Variants in PALB2 observed in about 807,000 individuals in gnomAD.
PALB2 encodes the protein partner and localizer of BRCA2, also known as mutant partner and localizer of BRCA2.
In PALB2, 82 loss-of-function variants were observed where a neutral mutation model predicts 107.4. That is an observed-to-expected ratio of 0.76 (90% CI 0.64 to 0.92). PALB2 has a LOEUF of 0.92. PALB2 is among the 40% of genes least tolerant of loss of function. The pLI is 0.00. For missense variants in PALB2, 1,374 were observed against 1,379.9 expected, an observed-to-expected ratio of 1.00 and a Z score of 0.07; for synonymous variants, 489 against 496.8, an observed-to-expected ratio of 0.98 and a Z score of 0.21.
rs1057521010 is a variant in PALB2 at position 23,629,622 on chromosome 16, A to C, written c.2514+18T>G. 6.2e-7 allele frequency: 1 copy of C among 1,610,770 alleles called. No individual in the cohort carries two copies. The highest frequency in any genetic ancestry group is 8.5e-7 in the Non-Finnish European group (1 of 1,177,440). Reference sequence around the variant, plus strand: ...TTCATTCCTTCAGAGAAAATTTCACAGAGGAAATGGATTGTACCTGTTCGA... The same window carrying C: ...TTCATTCCTTCAGAGAAAATTTCACCGAGGAAATGGATTGTACCTGTTCGA... On this transcript the variant is annotated intron_variant, in intron 5 of 12. Coordinates refer to ENST00000261584, the MANE Select transcript of PALB2 (RefSeq NM_024675.4).
chr16:23,619,893 C>A (rs895935118), intron 10 of PALB2, among the ~76,000 whole-genome samples: 1 of 152,046 alleles, frequency 6.6e-6, no homozygotes, highest in African/African-American at 2.4e-5. Context: ...GATTCTCCTA[C>A]CTCAGCCTCC....
intron 8 of PALB2, 62 bp from the exon 9 acceptor site, chr16:23,623,192 T>G: frequency 2.4e-6 from 3 of 1,237,260 alleles, no homozygotes; most frequent in South Asian, 1.4e-5. Context: ...ATTAAAGGAC[T>G]AGGTTCACTT....
chr16:23,623,964 G>C lies in PALB2; in HGVS notation c.2834+45C>G, dbSNP rs369619755. On this transcript the variant is annotated intron_variant, in intron 8 of 12. Transcript: ENST00000261584. ...CCTGCACTTAAAACCAGCTGACAGAGACAAAGATGAAGGAAAAACAAATCA... is the reference window on the plus strand; with the variant it reads ...CCTGCACTTAAAACCAGCTGACAGACACAAAGATGAAGGAAAAACAAATCA... 4.4e-6 allele frequency: 6 copies of C among 1,360,568 alleles called. No homozygotes were observed. The African/African-American group carries it at 8.6e-5, about 20-fold the overall frequency. The allele number at this position is 1,360,568 out of a possible 1,614,324, so 84.3% of individuals were successfully genotyped here.
intron 11 of PALB2, among the ~76,000 whole-genome samples, chr16:23,613,094 T>G (rs1966616690): frequency 6.6e-6 from 1 of 152,088 alleles, no homozygotes; most frequent in Non-Finnish European, 1.5e-5. Context: ...ACAAAGTATA[T>G]AATGATCAAG....
chr16:23,636,008 C>T lies in PALB2; in HGVS notation c.538G>A (p.Glu180Lys), dbSNP rs750782778. The change falls in exon 4 of 13, where the codon GAA becomes AAA. Residue 180 changes from glutamate to lysine, a missense_variant. Transcript: ENST00000261584. ...GCAGGATTTTTGCTACTGATTTCTT[C>T]CTGTTCCTTTAGTCTTTTCCCAGAC... ...RLSGKRLKEQ[E>K]EISSKNPARS... The T allele has an allele frequency of 3.1e-6, 5 of 1,614,096 alleles. No homozygotes were observed. The highest frequency in any genetic ancestry group is 1.6e-4 in the Middle Eastern group (1 of 6,062).
Position 23,635,048 on chromosome 16 carries a change from A to G in PALB2, c.1498T>C (p.Ser500Pro), listed in dbSNP as rs869025294. ...PAGPTEDNDL[S>P]RKAVAQAPGR... ...GGTGCTTGGGCAACTGCCTTCCTAG[A>G]CAAGTCATTATCTTCAGTGGGCCCA... Residue 500 changes from serine (S) to proline (P), a missense_variant, in exon 4 of 13, where the codon TCT becomes CCT. Coordinates refer to ENST00000261584, the MANE Select transcript of PALB2 (RefSeq NM_024675.4). The G allele has an allele frequency of 1.2e-6, 2 of 1,614,126 alleles. No individual in the cohort carries two copies. Among genetic ancestry groups the G allele is most frequent in the Non-Finnish European group, 1.7e-6 (2 of 1,180,028 alleles).
At chr16:23,618,302 ACT>A (rs767303962) in intron 10 of PALB2, among the ~76,000 whole-genome samples, 58 of 152,074 alleles carry the variant, frequency 3.8e-4, no homozygotes, top group Middle Eastern at 3.4e-3. Context: ...ACTGAGTGAG[ACT>A]CTGTTTCAGA....
At position 23,635,810 on chromosome 16, in the gene PALB2, T is replaced by TCG. The variant is rs749731838; in HGVS notation, c.734_735dup (p.Thr246ArgfsTer34). The TCG allele has an allele frequency of 6.2e-7, 1 of 1,614,188 alleles. No homozygotes were observed. On this transcript the variant is annotated frameshift_variant, in exon 4 of 13. Coordinates refer to ENST00000261584, the MANE Select transcript of PALB2 (RefSeq NM_024675.4). LOFTEE classifies it high-confidence loss of function. The stretch of plus-strand genomic sequence containing the variant: ...GATAGAGTCTGTAAAGGAACTGTAG[T>TCG]CGCCCTGGTGAAATTAGGTCTTCTT...
chr16:23,613,825 G>C (rs1052033686), intron 11 of PALB2, among the ~76,000 whole-genome samples, 179 bp downstream of exon 11: 1 of 152,048 alleles, frequency 6.6e-6, no homozygotes, highest in African/African-American at 2.4e-5. Flanking sequence ...AATTTACCAA[G>C]CAATCACTGT....
chr16:23,630,569 A>AT, intron 4 of PALB2, 100 bp from the exon 5 acceptor site: 2 of 995,872 alleles, frequency 2.0e-6, no homozygotes, highest in Non-Finnish European at 3.0e-6. Flanking sequence ...TAGATTTAAA[A>AT]GAAACATTTT....
At chr16:23,639,167 G>C (rs1391309579) in intron 1 of PALB2, among the ~76,000 whole-genome samples, 2 of 152,042 alleles carry the variant, frequency 1.3e-5, no homozygotes, top group Non-Finnish European at 2.9e-5. Context: ...CAACTTTTTA[G>C]CTGTACTCAT....
At chr16:23,618,000 A>G (rs1221445962) in intron 10 of PALB2, among the ~76,000 whole-genome samples, 1 of 151,992 alleles carries the variant, frequency 6.6e-6, no homozygotes, top group Non-Finnish European at 1.5e-5. Context: ...CTACAAAGAA[A>G]AAGAAAAAGA....
chr16:23,629,050 G>GA (rs1016225693), intron 6 of PALB2, among the ~76,000 whole-genome samples, 154 bp downstream of exon 6: 9 of 152,082 alleles, frequency 5.9e-5, no homozygotes, highest in African/African-American at 1.9e-4. Flanking sequence ...TAAATATTGG[G>GA]AAAAATAACC....
At position 23,610,320 on chromosome 16, in the gene PALB2, T is replaced by C. The variant is rs139005509; in HGVS notation, c.3202-2308A>G. On this transcript the variant is annotated intron_variant, in intron 11 of 12. Coordinates refer to ENST00000261584, the MANE Select transcript of PALB2 (RefSeq NM_024675.4). ...ATACAATGTTATTTCTTTTTTTTTT[T>C]TTTTTTTGAGACAGAGACTTGCTTT... Among the ~76,000 whole-genome samples, 830 of 151,730 alleles carry C rather than the reference T, an allele frequency of 5.5e-3. 5 individuals are homozygous for C. Among genetic ancestry groups the C allele is most frequent in the African/African-American group, 0.019 (770 of 41,402 alleles).
chr16:23,629,475 A>G (rs960257356), intron 5 of PALB2, among the ~76,000 whole-genome samples, 165 bp downstream of exon 5: 1 of 152,224 alleles, frequency 6.6e-6, no homozygotes, highest in Non-Finnish European at 1.5e-5. Flanking sequence ...ATGAACCTTA[A>G]TTTCCCCAGA....
At chr16:23,636,355 T>C (rs763541893) in intron 3 of PALB2, 21 bp from the exon 4 acceptor site, 2 of 1,466,544 alleles carry the variant, frequency 1.4e-6, no homozygotes, top group South Asian at 2.7e-5. Context: ...AAAAAATGTA[T>C]ATAACTTATA....
chr16:23,606,663 T>A (rs1053542165), intron 12 of PALB2, among the ~76,000 whole-genome samples: 6 of 150,522 alleles, frequency 4.0e-5, no homozygotes, highest in African/African-American at 9.8e-5. Flanking sequence ...GTAGCTGGGA[T>A]TACAGGCACG....
rs515726084 is a variant in PALB2, at chr16:23,629,853, G to C, written c.2301C>G (p.Val767=). The C allele has an allele frequency of 6.2e-7, 1 of 1,614,210 alleles. No individual in the cohort carries two copies. The highest frequency in any genetic ancestry group is 8.5e-7 in the Non-Finnish European group (1 of 1,180,030). Residue 767 remains valine, a synonymous_variant, in exon 5 of 13, where the codon GTC becomes GTG. Transcript: ENST00000261584. The part of the protein sequence containing the change: ...TPQLAHLKDS[V]CLASDTKQFD... ...ATTGTTTAGTATCACTGGCAAGACAGACTGAGTCTTTCAAATGAGCAAGTT... is the reference window on the plus strand; with the variant it reads ...ATTGTTTAGTATCACTGGCAAGACACACTGAGTCTTTCAAATGAGCAAGTT...
chr16:23,614,984 CTGTCACCCAGG>C (rs1966659980), intron 10 of PALB2, among the ~76,000 whole-genome samples: 1 of 135,386 alleles, frequency 7.4e-6, no homozygotes. Context: ...GAGTCTCGCT[CTGTCACCCAGG>C]CTGAGTGCAG....
Sources: allele counts gnomAD v4.1 joint callset (sites outside exome capture counted in the v4.1 genomes callset), GRCh38; gene constraint gnomAD v4.1.1; transcripts MANE v1.5; gene names NCBI Gene and HGNC (gene_info 2026-07-23, HGNC 2026-07-21).